Variants in MXD1 observed in about 807,000 individuals in gnomAD.
MXD1 encodes MAX-binding protein.
MXD1 carries 9 observed loss-of-function variants against 25.7 expected under a neutral mutation model. The observed-to-expected ratio is 0.35, with a 90% CI of 0.21 to 0.61. The LOEUF (loss-of-function observed/expected upper bound fraction) is 0.61, where lower values mean the gene tolerates loss of function less well. Among genes scored for constraint, MXD1 ranks in the 20% least tolerant of loss-of-function variants. The probability of loss-of-function intolerance (pLI) is 0.75; values close to 1 mark genes in which losing one functional copy is unlikely to be tolerated. For synonymous variants in MXD1, 99 were observed against 113.9 expected (o/e 0.87, Z 0.83); for missense variants, 227 against 292.4 (o/e 0.78, Z 1.63).
intron 3 of MXD1, among the ~76,000 whole-genome samples, chr2:69,934,123 A>G (rs918328884): frequency 4.6e-5 from 7 of 152,236 alleles, no homozygotes; most frequent in Admixed American, 4.6e-4. Context: ...TTAAGCTGCA[A>G]TCCTGACTTT....
At chr2:69,920,991 G>A (rs765631873) in intron 2 of MXD1, among the ~76,000 whole-genome samples, 1 of 152,040 alleles carries the variant, frequency 6.6e-6, no homozygotes, top group Non-Finnish European at 1.5e-5. Flanking sequence ...TACCTCATTG[G>A]TCCATACTTG....
intron 3 of MXD1, among the ~76,000 whole-genome samples, chr2:69,927,439 G>C (rs1194862429): frequency 1.3e-5 from 2 of 152,196 alleles, no homozygotes; most frequent in Non-Finnish European, 2.9e-5. Flanking sequence ...TGATGGTCTG[G>C]AGAAGAACTC....
chr2:69,937,989 C>A, intron 5 of MXD1, 108 bp from the exon 6 acceptor site: 1 of 1,004,842 alleles, frequency 1.0e-6, no homozygotes, highest in Non-Finnish European at 1.5e-6. Context: ...TCAAGTGATC[C>A]ACCCGCCTTT....
chr2:69,917,719 G>A (rs545182975), intron 2 of MXD1, among the ~76,000 whole-genome samples: 6 of 152,026 alleles, frequency 3.9e-5, no homozygotes, highest in Admixed American at 3.9e-4. Context: ...ATGTTGAAGT[G>A]GCTTGGTCCC....
chr2:69,925,245 G>GGT (rs1456745984), intron 3 of MXD1, among the ~76,000 whole-genome samples: 11 of 142,926 alleles, frequency 7.7e-5, no homozygotes, highest in Non-Finnish European at 1.2e-4. Context: ...GGGAGGGTGG[G>GGT]GTATGTGTGT....
intron 2 of MXD1, among the ~76,000 whole-genome samples, chr2:69,916,851 T>C (rs982854454): frequency 2.0e-5 from 3 of 152,374 alleles, no homozygotes; most frequent in Non-Finnish European, 2.9e-5. Flanking sequence ...GATTATCTTA[T>C]ACCGTAGTTC....
intron 5 of MXD1, 149 bp downstream of exon 5, chr2:69,937,543 A>C: frequency 1.4e-6 from 1 of 729,500 alleles, no homozygotes; most frequent in South Asian, 2.0e-5. Flanking sequence ...CTCCAGTGAC[A>C]GGTTCCTTCT....
At chr2:69,916,540 C>G (rs990435973) in intron 2 of MXD1, 2 of 193,186 alleles carry the variant, frequency 1.0e-5, no homozygotes, top group African/African-American at 4.7e-5. Context: ...ATTTTCCCTT[C>G]AGAAGTTGCA....
At chr2:69,922,461 G>C (rs1438221388) in intron 3 of MXD1, among the ~76,000 whole-genome samples, 1 of 152,164 alleles carries the variant, frequency 6.6e-6, no homozygotes, top group Non-Finnish European at 1.5e-5. Context: ...AAAGCTTTCT[G>C]TGTATTTTTA....
intron 3 of MXD1, among the ~76,000 whole-genome samples, chr2:69,929,900 T>A (rs977928800): frequency 7.2e-5 from 11 of 152,230 alleles, no homozygotes; most frequent in African/African-American, 2.4e-4. Flanking sequence ...ACACTGTTTT[T>A]AATTATTGAA....
At chr2:69,919,049 TGTA>T (rs1677012118) in intron 2 of MXD1, among the ~76,000 whole-genome samples, 1 of 152,224 alleles carries the variant, frequency 6.6e-6, no homozygotes, top group South Asian at 2.1e-4. Context: ...AAATAAAATC[TGTA>T]GTTTTAAAAA....
Position 69,915,131 on chromosome 2 carries a change from T to A in MXD1, c.-200T>A. The A allele has an allele frequency of 2.4e-6, 1 of 414,750 alleles. No homozygotes were observed. The allele number at this position is 414,750 out of a possible 1,614,324, so 25.7% of individuals were successfully genotyped here. ...GCTGCTCTGCTCCGGGTTCTGTCAC[T>A]GTGTCGGCGGTGCCCAGCTCACTGG... On this transcript the variant is annotated 5_prime_UTR_variant, in exon 1 of 6. Coordinates refer to ENST00000264444, the MANE Select transcript of MXD1 (RefSeq NM_002357.4). This position sits in a 1 kb window ranked among gnomAD's most constrained non-coding sequence, Gnocchi z 5.8.
At position 69,921,748 on chromosome 2, in the gene MXD1, T is replaced by G; in HGVS notation, c.186T>G (p.Asn62Lys). The G allele has an allele frequency of 6.2e-7, 1 of 1,611,112 alleles. No individual in the cohort carries two copies. Among genetic ancestry groups the G allele is most frequent in the Non-Finnish European group, 8.5e-7 (1 of 1,178,572 alleles). Residue 62 changes from asparagine to lysine, a missense_variant, in exon 3 of 6, where the codon AAT becomes AAG. Transcript: ENST00000264444. ...TTCCCTCTTTCAGATCAACTCACAA[T>G]GAAATGGAGAAGAATAGGTGAGTTG... The part of the protein sequence containing the change: ...KNNSSSRSTH[N>K]EMEKNRRAHL...
intron 3 of MXD1, among the ~76,000 whole-genome samples, chr2:69,929,520 T>G (rs2104187798): frequency 6.6e-6 from 1 of 152,284 alleles, no homozygotes; most frequent in South Asian, 2.1e-4. Flanking sequence ...TTAGCCCAGG[T>G]GCTTTCTATC....
intron 3 of MXD1, among the ~76,000 whole-genome samples, chr2:69,929,415 G>GCAGAT (rs1410180896): frequency 7.2e-5 from 11 of 152,180 alleles, no homozygotes; most frequent in African/African-American, 2.7e-4. Context: ...TCCCCAATTT[G>GCAGAT]CAGATCTACT....
intron 3 of MXD1, among the ~76,000 whole-genome samples, chr2:69,924,605 T>C (rs1677135301): frequency 6.6e-6 from 1 of 152,152 alleles, no homozygotes; most frequent in African/African-American, 2.4e-5. Context: ...AGTAGCTGAG[T>C]TCTATAAAAG....
chr2:69,925,931 A>C (rs1677161023), intron 3 of MXD1, among the ~76,000 whole-genome samples: 1 of 152,148 alleles, frequency 6.6e-6, no homozygotes, highest in South Asian at 2.1e-4. Flanking sequence ...TATGAGTTTG[A>C]TAAGTAAAAA....
At chr2:69,935,792 C>G (rs1677418011) in intron 4 of MXD1, among the ~76,000 whole-genome samples, 1 of 152,182 alleles carries the variant, frequency 6.6e-6, no homozygotes, top group South Asian at 2.1e-4. Flanking sequence ...ATCTTCATCC[C>G]CACTGTCTAC....
chr2:69,921,545 A>G (rs988892489), intron 2 of MXD1, among the ~76,000 whole-genome samples, 191 bp from the exon 3 acceptor site: 9 of 152,126 alleles, frequency 5.9e-5, no homozygotes, highest in African/African-American at 2.2e-4. Context: ...CTTGAACTCT[A>G]TTTTAGGATT....
Sources: gnomAD v4.1 joint callset for allele counts (sites outside exome capture counted in the v4.1 genomes callset) on GRCh38, gnomAD v4.1.1 for gene constraint, Gnocchi (gnomAD v3.1) non-coding constraint, MANE v1.5 for transcripts, NCBI Gene and HGNC (gene_info 2026-07-23, HGNC 2026-07-21) for gene names.